The following LSM14B variants were observed in gnomAD, a reference collection of about 807,000 sequenced individuals.
LSM14B encodes protein LSM14 homolog B.
Under a neutral mutation model 42.1 loss-of-function variants are expected in LSM14B, and 8 were observed. The ratio of observed to expected loss-of-function variants is 0.19; its 90% CI spans 0.11 to 0.34. LSM14B has a LOEUF of 0.34. LSM14B is among the 10% of genes least tolerant of loss of function. The probability of loss-of-function intolerance (pLI) is 1.00; values close to 1 mark genes in which losing one functional copy is unlikely to be tolerated. For synonymous variants in LSM14B, 219 were observed against 209.7 expected (o/e 1.04, Z -0.38); for missense variants, 396 against 513.1 (o/e 0.77, Z 2.21).
Position 62,131,430 on chromosome 20 carries a change from G to A in LSM14B, c.910G>A (p.Asp304Asn). The A allele has an allele frequency of 6.2e-7, 1 of 1,613,944 alleles. No individual in the cohort carries two copies. The highest frequency in any genetic ancestry group is 8.5e-7 in the Non-Finnish European group (1 of 1,179,878). The change falls in exon 7 of 9, where the codon GAC becomes AAC. Residue 304 changes from aspartate (D) to asparagine (N), a missense_variant. Coordinates refer to ENST00000279068, the MANE Select transcript of LSM14B (RefSeq NM_144703.3). ...GAGTGCCGAAGCGCCCGCTGAGGAA[G>A]ACCTTCTGGGGCCCAACTGCTACTA... The part of the protein sequence containing the change: ...TQSAEAPAEE[D>N]LLGPNCYYDK...
chr20:62,129,767 C>A lies in LSM14B; in HGVS notation c.428-18C>A. 2 of 1,597,194 alleles carry A rather than the reference C, an allele frequency of 1.3e-6. No individual in the cohort carries two copies. Among genetic ancestry groups the A allele is most frequent in the Non-Finnish European group, 1.7e-6 (2 of 1,172,200 alleles). On this transcript the variant is annotated intron_variant, in intron 3 of 8. Transcript: ENST00000279068. ...CTTTTCTCTCTGTTTTTAAACCCTCCTCCCCTCCTCAATTCAGGAGCTGGT... is the reference window on the plus strand; with the variant it reads ...CTTTTCTCTCTGTTTTTAAACCCTCATCCCCTCCTCAATTCAGGAGCTGGT...
intron 7 of LSM14B, 27 bp from the exon 8 acceptor site, chr20:62,133,263 A>G: frequency 6.2e-7 from 1 of 1,610,084 alleles, no homozygotes. Context: ...AGTGCCTGCT[A>G]CAATCAGCAT....
At chr20:62,128,716 CG>C (rs1159053113) in intron 3 of LSM14B, among the ~76,000 whole-genome samples, 4 of 152,182 alleles carry the variant, frequency 2.6e-5, no homozygotes, top group Non-Finnish European at 5.9e-5. Flanking sequence ...GAAAGTGGCC[CG>C]GGTGCATTCC....
rs181396912 is a variant in LSM14B, at chr20:62,134,350, C to A, written c.*202C>A. 2.1e-6 allele frequency: 1 copy of A among 471,420 alleles called. No individual in the cohort carries two copies. Among genetic ancestry groups the A allele is most frequent in the Non-Finnish European group, 4.4e-6 (1 of 227,092 alleles). 29.2% of individuals were successfully genotyped at this position (471,420 alleles called of 1,614,324 possible). A position where few individuals can be genotyped will look rare whatever the true frequency, so the allele number is the denominator to read the frequency against. ...GAACCACTTGTTTTGGGGAAGTATT[C>A]ATGGGTAACCTCTTTGAGGTCTCTT... On this transcript the variant is annotated 3_prime_UTR_variant, in exon 9 of 9. Coordinates refer to ENST00000279068, the MANE Select transcript of LSM14B (RefSeq NM_144703.3).
chr20:62,132,941 C>A (rs1214600570), intron 7 of LSM14B, among the ~76,000 whole-genome samples: 2 of 152,192 alleles, frequency 1.3e-5, no homozygotes, highest in Middle Eastern at 3.2e-3. Context: ...ACTTCATGGT[C>A]CGGTCTCAGG....
intron 1 of LSM14B, 44 bp from the exon 2 acceptor site, chr20:62,124,573 C>A: frequency 1.3e-6 from 2 of 1,590,968 alleles, no homozygotes; most frequent in Non-Finnish European, 1.7e-6. Flanking sequence ...GTTGATTGAA[C>A]TGGCTGAGGA....
At chr20:62,133,535 A>G (rs949005948) in intron 8 of LSM14B, 60 bp downstream of exon 8, 6 of 1,546,440 alleles carry the variant, frequency 3.9e-6, no homozygotes, top group Non-Finnish European at 5.2e-6. Flanking sequence ...GCACACCTGG[A>G]GAGCTTAGGA....
chr20:62,127,776 ATG>A (rs1568708387), intron 3 of LSM14B: 1 of 1,053,404 alleles, frequency 9.5e-7, no homozygotes. Flanking sequence ...AGCAGACAGA[ATG>A]ACAGTAGCTG....
Position 62,130,554 on chromosome 20 carries a change from C to G in LSM14B, c.698C>G (p.Ser233Cys). The change falls in exon 6 of 9, where the codon TCC (serine) becomes TGC (cysteine). Residue 233 changes from serine (S) to cysteine (C), a missense_variant. Ser to Cys is a moderately radical substitution (Grantham distance 112). Coordinates refer to ENST00000279068, the MANE Select transcript of LSM14B (RefSeq NM_144703.3). The surrounding 1 kb of genome is among the most constrained non-coding windows in gnomAD (Gnocchi z 4.1). The stretch of plus-strand genomic sequence containing the variant: ...GGAAACAGGCGAACAAGGAATCGCT[C>G]CAGAGGGCAAAACCGTCCAACTAAC... ...RSGNRRTRNR[S>C]RGQNRPTNVK... is the part of the protein sequence containing the mutation. 2 of 1,613,840 alleles carry G rather than the reference C, an allele frequency of 1.2e-6. No individual in the cohort carries two copies. Among genetic ancestry groups the G allele is most frequent in the Non-Finnish European group, 1.7e-6 (2 of 1,179,854 alleles).
chr20:62,125,258 T>C (rs944025162), intron 2 of LSM14B, among the ~76,000 whole-genome samples: 6 of 152,242 alleles, frequency 3.9e-5, no homozygotes, highest in Admixed American at 3.3e-4. Flanking sequence ...TTGATTCTTG[T>C]AGCACACACA....
At position 62,122,936 on chromosome 20, in the gene LSM14B, T is replaced by G; in HGVS notation, c.127+143T>G. On this transcript the variant is annotated intron_variant, in intron 1 of 8. Transcript: ENST00000279068. The surrounding 1 kb of genome is among the most constrained non-coding windows in gnomAD (Gnocchi z 4.6). Reference sequence around the variant, plus strand: ...CACCCAGGGCACACCCGGCCCGAGATCCCCTGCCCGCGCCTTCACCCCGGA... The same window carrying G: ...CACCCAGGGCACACCCGGCCCGAGAGCCCCTGCCCGCGCCTTCACCCCGGA... The G allele has an allele frequency of 1.5e-6, 1 of 688,070 alleles. No homozygotes were observed. The highest frequency in any genetic ancestry group is 1.9e-6 in the Non-Finnish European group (1 of 514,130). 42.6% of individuals were successfully genotyped at this position (688,070 alleles called of 1,614,324 possible).
intron 3 of LSM14B, chr20:62,128,894 G>A (rs1251571244): frequency 8.2e-7 from 1 of 1,226,898 alleles, no homozygotes; most frequent in South Asian, 1.3e-5. Context: ...GTATTGGGCT[G>A]TTCGTCTAAT....
chr20:62,129,927 C>T lies in LSM14B; in HGVS notation c.570C>T (p.Ala190=), dbSNP rs1451540689. Residue 190 remains alanine (A), a synonymous_variant, in exon 4 of 9, where the codon GCC becomes GCT. Transcript: ENST00000279068. Reference sequence around the variant, plus strand: ...GGACGCAGCTCAACGGTCGTCAGGCCCAGCCGAGCAGCAAGACGGCCAGCG... The same window carrying T: ...GGACGCAGCTCAACGGTCGTCAGGCTCAGCCGAGCAGCAAGACGGCCAGCG... ...TTGTQLNGRQ[A]QPSSKTASDV... The T allele has an allele frequency of 6.2e-7, 1 of 1,613,232 alleles. No individual in the cohort carries two copies. The highest frequency in any genetic ancestry group is 1.3e-5 in the African/African-American group (1 of 74,990).
chr20:62,130,745 G>GT lies in LSM14B; in HGVS notation c.835+56dup. ...CTGCACAGGAGTACCCCTAGAGAGT[G>GT]TTAGGAGGAGATGCCTGGCCGGGTG... On this transcript the variant is annotated intron_variant, in intron 6 of 8. Transcript: ENST00000279068. The surrounding 1 kb of genome is among the most constrained non-coding windows in gnomAD (Gnocchi z 4.1). 6.4e-7 allele frequency: 1 copy of GT among 1,563,418 alleles called. No homozygotes were observed. Among genetic ancestry groups the GT allele is most frequent in the Non-Finnish European group, 8.7e-7 (1 of 1,152,590 alleles).
chr20:62,132,958 G>T (rs554982991), intron 7 of LSM14B, among the ~76,000 whole-genome samples: 2 of 152,298 alleles, frequency 1.3e-5, no homozygotes, highest in South Asian at 4.1e-4. Context: ...CAGGTCTCCT[G>T]GGCCCCTGGG....
At chr20:62,124,529 G>A (rs150115245) in intron 1 of LSM14B, 88 bp from the exon 2 acceptor site, 21 of 1,443,874 alleles carry the variant, frequency 1.5e-5, no homozygotes, top group East Asian at 1.4e-4. Flanking sequence ...AAGTGTCGCC[G>A]TCTTTTGGAA....
At chr20:62,127,511 C>A in intron 3 of LSM14B, 1 of 1,073,456 alleles carries the variant, frequency 9.3e-7, no homozygotes, top group Non-Finnish European at 1.4e-6. Flanking sequence ...TCCAAGCTTG[C>A]TAGACACAAG....
At chr20:62,127,626 C>T in intron 3 of LSM14B, 2 of 1,551,188 alleles carry the variant, frequency 1.3e-6, no homozygotes, top group South Asian at 2.4e-5. Context: ...TGCTTCCAGC[C>T]CTAGCTCTTC....
At position 62,126,410 on chromosome 20, in the gene LSM14B, G is replaced by A; in HGVS notation, c.398G>A (p.Ser133Asn). Residue 133 changes from serine (S) to asparagine (N), a missense_variant, in exon 3 of 9, where the codon AGC becomes AAC. Coordinates refer to ENST00000279068, the MANE Select transcript of LSM14B (RefSeq NM_144703.3). Reference protein sequence around the residue: ...YGPLAASSLLSQQYAASLGLG... With the variant: ...YGPLAASSLLNQQYAASLGLG... ...CCGCTGGCGGCCAGCTCCCTGCTCA[G>A]CCAGCAGTATGCCGCCTCCCTGGGT... is the stretch of plus-strand genomic sequence containing the variant. 1 of 1,610,852 alleles carries A rather than the reference G, an allele frequency of 6.2e-7. No homozygotes were observed.
Sources: gnomAD v4.1 joint callset for allele counts (sites outside exome capture counted in the v4.1 genomes callset) on GRCh38, gnomAD v4.1.1 for gene constraint, Gnocchi (gnomAD v3.1) non-coding constraint, MANE v1.5 for transcripts, NCBI Gene and HGNC (gene_info 2026-07-23, HGNC 2026-07-21) for gene names.